CLN6: variants seen among roughly 807,000 people sequenced by gnomAD.
The protein encoded by CLN6 is CLN6 transmembrane ER protein, also known as ceroid-lipofuscinosis neuronal protein 6.
In CLN6, 22 loss-of-function variants were observed where a neutral mutation model predicts 33.3. The ratio of observed to expected loss-of-function variants is 0.66; its 90% CI spans 0.47 to 0.94. The LOEUF (loss-of-function observed/expected upper bound fraction) is 0.94, where lower values mean the gene tolerates loss of function less well. CLN6 is among the 40% of genes least tolerant of loss of function. CLN6 has a pLI of 0.00. For missense variants in CLN6, 387 were observed against 417.1 expected (o/e 0.93, Z 0.63); for synonymous variants, 201 against 174.6 (o/e 1.15, Z -1.19).
Position 68,220,470 on chromosome 15 carries a change from T to C in CLN6, c.84-1820A>G, listed in dbSNP as rs1198313297. Among the ~76,000 whole-genome samples, 1 of 152,230 alleles carries C rather than the reference T, an allele frequency of 6.6e-6. No individual in the cohort carries two copies. The highest frequency in any genetic ancestry group is 6.5e-5 in the Admixed American group (1 of 15,284). Reference sequence around the variant, plus strand: ...CACAGGAAGGGCCAGTGATCTAGACTGGCCCAGTGGGACTTTTCCAACTGC... The same window carrying C: ...CACAGGAAGGGCCAGTGATCTAGACCGGCCCAGTGGGACTTTTCCAACTGC... On this transcript the variant is annotated intron_variant, in intron 1 of 6. Coordinates refer to ENST00000249806, the MANE Select transcript of CLN6 (RefSeq NM_017882.3). The surrounding 1 kb of genome is among the most constrained non-coding windows in gnomAD (Gnocchi z 4.2).
At chr15:68,212,205 C>T (rs2093208155) in intron 3 of CLN6, 2 of 302,394 alleles carry the variant, frequency 6.6e-6, no homozygotes. Flanking sequence ...AGCCCTCCCA[C>T]TGTCCCTGGC....
chr15:68,224,265 CAAAAA>C (rs34196710), intron 1 of CLN6, among the ~76,000 whole-genome samples: 1 of 46,722 alleles, frequency 2.1e-5, no homozygotes, highest in Non-Finnish European at 3.2e-5. Flanking sequence ...GACCTTATTG[CAAAAA>C]AAAAAAAAAA....
chr15:68,222,997 G>A (rs1489981343), intron 1 of CLN6, among the ~76,000 whole-genome samples: 1 of 152,160 alleles, frequency 6.6e-6, no homozygotes, highest in African/African-American at 2.4e-5. Context: ...GAGGAAGGCT[G>A]CAGGGTCCTC....
rs1339521602 is a variant in CLN6, at chr15:68,237,999, T to TACTACAG, written c.179+18690_179+18691insCTGTAGT. Among the ~76,000 whole-genome samples, 7 of 152,166 alleles carry TACTACAG rather than the reference T, an allele frequency of 4.6e-5. No homozygotes were observed. The East Asian group carries it at 1.4e-3, about 29-fold the overall frequency. ...TTAGCTGAGCGTGGTGGTGGGTGCC[T>TACTACAG]GTAGTCCCAGGTACTCGGGAGGCTG... On this transcript the variant is annotated intron_variant, in intron 1 of 6. Coordinates refer to the CLN6 transcript ENST00000538696.
rs2093198335 is a variant in CLN6, at chr15:68,209,495, C to T, written c.665+142G>A. 1.7e-5 allele frequency: 20 copies of T among 1,169,908 alleles called. No individual in the cohort carries two copies. The highest frequency in any genetic ancestry group is 2.5e-5 in the Non-Finnish European group (20 of 797,820). 72.5% of individuals were successfully genotyped at this position (1,169,908 alleles called of 1,614,324 possible). On this transcript the variant is annotated intron_variant, in intron 6 of 6. Coordinates refer to ENST00000249806, the MANE Select transcript of CLN6 (RefSeq NM_017882.3). This position sits in a 1 kb window ranked among gnomAD's most constrained non-coding sequence, Gnocchi z 4.9. ...CACCACAGGGCATTGTCACAGTCCC[C>T]ACTAGACACAAGAAGAAGCACGGGC...
At chr15:68,224,003 G>GC (rs1567099907) in intron 1 of CLN6, among the ~76,000 whole-genome samples, 1 of 151,510 alleles carries the variant, frequency 6.6e-6, no homozygotes, top group Admixed American at 6.6e-5. Flanking sequence ...CCAGGATCAC[G>GC]CCATTGCACT....
Position 68,209,355 on chromosome 15 carries a change from T to A in CLN6, c.665+282A>T, listed in dbSNP as rs370471459. ...GGCCCCAGGGCAACACTGGGGTTCT[T>A]GAGATGGGGCACAGAGCGAGAGGGG... is the stretch of plus-strand genomic sequence containing the variant. On this transcript the variant is annotated intron_variant, in intron 6 of 6. Coordinates refer to ENST00000249806, the MANE Select transcript of CLN6 (RefSeq NM_017882.3). The surrounding 1 kb of genome is among the most constrained non-coding windows in gnomAD (Gnocchi z 4.9). Among the ~76,000 whole-genome samples the A allele has an allele frequency of 6.6e-6, 1 of 152,138 alleles. No individual in the cohort carries two copies. The highest frequency in any genetic ancestry group is 2.4e-5 in the African/African-American group (1 of 41,430).
At chr15:68,257,176 C>A (rs1490183527), upstream of CLN6, 1 of 284,150 alleles carries the variant, frequency 3.5e-6, no homozygotes, top group East Asian at 5.8e-5. Context: ...AACGCACGCG[C>A]CCGGCGTCGC....
intron 1 of CLN6, among the ~76,000 whole-genome samples, chr15:68,224,265 CAAAAAAAAA>C (rs34196710): frequency 1.5e-4 from 7 of 46,722 alleles, no homozygotes; most frequent in African/African-American, 3.8e-4. Flanking sequence ...GACCTTATTG[CAAAAAAAAA>C]AAAAAAAAAA....
chr15:68,251,864 T>C (rs1194798013), intron 1 of CLN6, among the ~76,000 whole-genome samples: 3 of 152,080 alleles, frequency 2.0e-5, no homozygotes, highest in African/African-American at 7.2e-5. Context: ...AGCAAGGTTG[T>C]TAACTGCAAA....
In CLN6 at chr15:68,207,952, T is replaced by C; in HGVS notation, c.*188A>G. The C allele has an allele frequency of 1.6e-6, 1 of 617,586 alleles. No individual in the cohort carries two copies. The highest frequency in any genetic ancestry group is 2.8e-6 in the Non-Finnish European group (1 of 351,668). The allele number at this position is 617,586 out of a possible 1,614,324, so 38.3% of individuals were successfully genotyped here. ...TGACGGAAATAGTAGAGTCTGAAAATGATGCACTCTGCGCACACATATACA... is the reference window on the plus strand; with the variant it reads ...TGACGGAAATAGTAGAGTCTGAAAACGATGCACTCTGCGCACACATATACA... On this transcript the variant is annotated 3_prime_UTR_variant, in exon 7 of 7. Transcript: ENST00000249806.
At chr15:68,239,531 A>G (rs747692275) in intron 1 of CLN6, among the ~76,000 whole-genome samples, 6 of 152,292 alleles carry the variant, frequency 3.9e-5, no homozygotes, top group Non-Finnish European at 2.9e-5. Flanking sequence ...ACTTTATACA[A>G]TGATAAAAGG....
rs1401563440 is a variant in CLN6, at chr15:68,256,105, TTTATTA to T, written c.179+579_179+584del. 6.6e-6 allele frequency among the ~76,000 whole-genome samples: 1 copy of T among 151,692 alleles called. No homozygotes were observed. Among genetic ancestry groups the T allele is most frequent in the Admixed American group, 6.6e-5 (1 of 15,236 alleles). Reference sequence around the variant, plus strand: ...CCCCCAGCCTTTCCCCTCTTTTTATTTTATTATTATTATTTTTTTGAGACGGAGTCT... The same window carrying T: ...CCCCCAGCCTTTCCCCTCTTTTTATTTTATTATTTTTTTGAGACGGAGTCT... On this transcript the variant is annotated intron_variant, in intron 1 of 6. Transcript: ENST00000538696. The surrounding 1 kb of genome is among the most constrained non-coding windows in gnomAD (Gnocchi z 4.1).
rs2093230368 is a variant in CLN6 at position 68,219,768 on chromosome 15, G to A, written c.84-1118C>T. 6.6e-6 allele frequency among the ~76,000 whole-genome samples: 1 copy of A among 152,122 alleles called. No homozygotes were observed. The highest frequency in any genetic ancestry group is 1.5e-5 in the Non-Finnish European group (1 of 68,036). ...TCAGAGTCCAAATCCTCTTTACAGA[G>A]TCCCTGCAATTACTTGCACACCTCC... On this transcript the variant is annotated intron_variant, in intron 1 of 6. Coordinates refer to ENST00000249806, the MANE Select transcript of CLN6 (RefSeq NM_017882.3). This position sits in a 1 kb window ranked among gnomAD's most constrained non-coding sequence, Gnocchi z 4.2.
chr15:68,208,094 G>GACCC lies in CLN6; in HGVS notation c.*45_*46insGGGT. On this transcript the variant is annotated 3_prime_UTR_variant, in exon 7 of 7. Coordinates refer to ENST00000249806, the MANE Select transcript of CLN6 (RefSeq NM_017882.3). The surrounding 1 kb of genome is among the most constrained non-coding windows in gnomAD (Gnocchi z 5.8). ...CTCCTGTATTCAGATGCCCTCCATG[G>GACCC]CCCACCCTCCCACCCAGCAGAGCGC... 1 of 1,375,274 alleles carries GACCC rather than the reference G, an allele frequency of 7.3e-7. No homozygotes were observed. The highest frequency in any genetic ancestry group is 1.0e-6 in the Non-Finnish European group (1 of 992,020). 85.2% of individuals were successfully genotyped at this position (1,375,274 alleles called of 1,614,324 possible). A position where few individuals can be genotyped will look rare whatever the true frequency, so the allele number is the denominator to read the frequency against.
chr15:68,211,624 G>T lies in CLN6; in HGVS notation c.486+51C>A. The T allele has an allele frequency of 6.2e-7, 1 of 1,609,506 alleles. No homozygotes were observed. The highest frequency in any genetic ancestry group is 1.1e-5 in the South Asian group (1 of 90,758). ...GGGGGCCATTTCTTCAGCCTCCCAG[G>T]ACAGACTGTGCTCCTAGGGCTTACA... On this transcript the variant is annotated intron_variant, in intron 4 of 6. Transcript: ENST00000249806. The surrounding 1 kb of genome is among the most constrained non-coding windows in gnomAD (Gnocchi z 5.9).
rs117589497 is a variant in CLN6 at position 68,236,201 on chromosome 15, G to T, written c.180-17551C>A. ...GCCCCTTTGGAAAATAGTCCAGCAG[G>T]TCCTCAAACTGTTAAATACAGAGTT... is the stretch of plus-strand genomic sequence containing the variant. On this transcript the variant is annotated intron_variant, in intron 1 of 6. Transcript: ENST00000538696. This position sits in a 1 kb window ranked among gnomAD's most constrained non-coding sequence, Gnocchi z 4.5. Among the ~76,000 whole-genome samples, 90 of 152,210 alleles carry T rather than the reference G, an allele frequency of 5.9e-4. 2 individuals are homozygous for T. The East Asian group carries it at 0.013, about 22-fold the overall frequency.
At chr15:68,244,391 G>A (rs958694195) in intron 1 of CLN6, among the ~76,000 whole-genome samples, 1 of 150,312 alleles carries the variant, frequency 6.7e-6, no homozygotes, top group African/African-American at 2.4e-5. Flanking sequence ...AAGCCAGGAA[G>A]GAATGGGACA....
intron 1 of CLN6, among the ~76,000 whole-genome samples, chr15:68,225,106 A>C (rs1016156154): frequency 6.6e-6 from 1 of 152,198 alleles, no homozygotes; most frequent in African/African-American, 2.4e-5. Context: ...TTCTATTTAA[A>C]GAATGGTGAC....
Sources: allele counts gnomAD v4.1 joint callset (sites outside exome capture counted in the v4.1 genomes callset), GRCh38; gene constraint gnomAD v4.1.1; non-coding constraint Gnocchi (gnomAD v3.1); transcripts MANE v1.5; gene names NCBI Gene and HGNC (gene_info 2026-07-23, HGNC 2026-07-21).